The following UBXN8 variants were observed in gnomAD, a reference collection of about 807,000 sequenced individuals.
UBXN8 encodes UBX domain protein 8.
Under a neutral mutation model 32.1 loss-of-function variants are expected in UBXN8, and 27 were observed. That is an observed-to-expected ratio of 0.84 (90% CI 0.62 to 1.16). The LOEUF (loss-of-function observed/expected upper bound fraction) is 1.16. UBXN8 is among the 50% of genes most tolerant of loss of function. UBXN8 has a pLI of 0.00. For missense variants in UBXN8, 306 were observed against 311.4 expected, an observed-to-expected ratio of 0.98 and a Z score of 0.13; for synonymous variants, 109 against 111.8, an observed-to-expected ratio of 0.98 and a Z score of 0.16.
chr8:30,760,757 A>AT (rs1418263576), intron 5 of UBXN8, 131 bp from the exon 6 acceptor site: 38 of 627,090 alleles, frequency 6.1e-5, no homozygotes, highest in Non-Finnish European at 6.3e-5. Flanking sequence ...TAAACTCTTT[A>AT]TAGATGTATG....
In UBXN8 at chr8:30,766,920, T is replaced by C. The variant is rs909386852; in HGVS notation, c.*526T>C. 6.6e-6 allele frequency: 1 copy of C among 152,240 alleles called. No homozygotes were observed. Among genetic ancestry groups the C allele is most frequent in the Non-Finnish European group, 1.5e-5 (1 of 68,046 alleles). The allele number at this position is 152,240 out of a possible 1,614,324, so 9.4% of individuals were successfully genotyped here. On this transcript the variant is annotated 3_prime_UTR_variant, in exon 8 of 8. Coordinates refer to ENST00000265616, the MANE Select transcript of UBXN8 (RefSeq NM_005671.4). ...GTTTGCGATTTATATAATTTTGCCT[T>C]GTATTAAATGTTACAAAGTTCCAAA...
At chr8:30,762,352 A>G (rs1805855274) in intron 6 of UBXN8, among the ~76,000 whole-genome samples, 1 of 151,830 alleles carries the variant, frequency 6.6e-6, no homozygotes, top group South Asian at 2.1e-4. Flanking sequence ...GTGGGATTAT[A>G]GGTGTGAGTC....
At chr8:30,735,403 C>A (rs1563554276) in intron 1 of UBXN8, among the ~76,000 whole-genome samples, 1 of 150,074 alleles carries the variant, frequency 6.7e-6, no homozygotes. Context: ...CTACTAAATA[C>A]AAAAATTAGC....
upstream of UBXN8, among the ~76,000 whole-genome samples, chr8:30,743,344 C>G (rs964738375): frequency 2.0e-4 from 31 of 151,532 alleles, no homozygotes; most frequent in Admixed American, 1.5e-3. Context: ...TTAGTAGAGA[C>G]GGGGTTTCAC....
intron 4 of UBXN8, 121 bp downstream of exon 4, chr8:30,754,908 C>A: frequency 1.4e-5 from 17 of 1,176,366 alleles, no homozygotes; most frequent in Non-Finnish European, 1.9e-5. Flanking sequence ...TAATGATTAT[C>A]AGTTTTTGTT....
chr8:30,737,845 T>TA (rs1173158823), intron 1 of UBXN8, among the ~76,000 whole-genome samples: 1 of 152,170 alleles, frequency 6.6e-6, no homozygotes, highest in African/African-American at 2.4e-5. Context: ...TGGACCCTGT[T>TA]AAAACAACAA....
intron 2 of UBXN8, 24 bp from the exon 3 acceptor site, chr8:30,753,011 C>A: frequency 6.7e-7 from 1 of 1,489,478 alleles, no homozygotes; most frequent in East Asian, 2.5e-5. Flanking sequence ...AAGTAAAAAG[C>A]ACTTTTATGT....
rs1405968579 is a variant in UBXN8 at position 30,753,816 on chromosome 8, A to G, written c.282+711A>G. ...GAGACTGGGCCTCTCTCTGTTGCCC[A>G]GGCTGGGGTGGAGTGGTACAACCAT... On this transcript the variant is annotated intron_variant, in intron 3 of 7. Transcript: ENST00000265616. 2.5e-5 allele frequency among the ~76,000 whole-genome samples: 3 copies of G among 122,028 alleles called. No homozygotes were observed. In the East Asian group the frequency reaches 7.2e-4, roughly 29 times the overall value. 80.1% of individuals were successfully genotyped at this position (122,028 alleles called of 152,430 possible).
intron 5 of UBXN8, among the ~76,000 whole-genome samples, chr8:30,759,968 TAAATAAAATAAAATA>T (rs149333500): frequency 0.12 from 16,371 of 141,556 alleles, 1,003 homozygotes; most frequent in South Asian, 0.15. Context: ...GAAAAATAAA[TAAATAAAATAAAATA>T]AAATAAAATA....
intron 1 of UBXN8, among the ~76,000 whole-genome samples, chr8:30,747,768 A>C (rs116558169): frequency 0.015 from 2,084 of 139,236 alleles, 420 homozygotes; most frequent in African/African-American, 0.055. Context: ...TTAAAGTCAT[A>C]CTTCTTCTCT....
chr8:30,737,054 C>A (rs911381893), intron 1 of UBXN8, among the ~76,000 whole-genome samples: 1 of 152,066 alleles, frequency 6.6e-6, no homozygotes, highest in Non-Finnish European at 1.5e-5. Context: ...GATTAATGTT[C>A]TTTTTGTTTA....
chr8:30,766,326 TC>T lies in UBXN8; in HGVS notation c.746del (p.Ser249CysfsTer5), dbSNP rs1806005406. The T allele has an allele frequency of 6.2e-7, 1 of 1,613,660 alleles. No individual in the cohort carries two copies. Among genetic ancestry groups the T allele is most frequent in the African/African-American group, 1.3e-5 (1 of 74,922 alleles). ...GCCTCTGGCAGTGGAGGGAGGCCAG[TC>T]GCTGGAGGACATAGGAATAACTGTG... ...RRPLAVEGGQ[S>X]LEDIGITVDT... is the part of the protein sequence containing the mutation. On this transcript the variant is annotated frameshift_variant, in exon 8 of 8. Coordinates refer to ENST00000265616, the MANE Select transcript of UBXN8 (RefSeq NM_005671.4). LOFTEE classifies it high-confidence loss of function.
intron 1 of UBXN8, among the ~76,000 whole-genome samples, chr8:30,738,181 A>G (rs979804286): frequency 1.6e-4 from 25 of 152,230 alleles, no homozygotes; most frequent in African/African-American, 5.3e-4. Context: ...ATCATAAAAG[A>G]AAACTTAGAT....
chr8:30,746,727 G>T (rs1805371111), intron 1 of UBXN8, among the ~76,000 whole-genome samples: 1 of 138,238 alleles, frequency 7.2e-6, no homozygotes, highest in African/African-American at 2.8e-5. Flanking sequence ...GTTTCGGTAT[G>T]TTGTGCCAGG....
intron 2 of UBXN8, among the ~76,000 whole-genome samples, chr8:30,751,985 T>G (rs1056014007): frequency 2.7e-5 from 4 of 149,350 alleles, no homozygotes; most frequent in African/African-American, 7.4e-5. Context: ...CTCCACCTCC[T>G]GGGTTCAAGT....
rs1805516222 is a variant in UBXN8, at chr8:30,751,308, G to A, written c.89-88G>A. The A allele has an allele frequency of 5.2e-6, 6 of 1,150,794 alleles. No individual in the cohort carries two copies. The East Asian group carries it at 1.3e-4, about 25-fold the overall frequency. 71.3% of individuals were successfully genotyped at this position (1,150,794 alleles called of 1,614,324 possible). On this transcript the variant is annotated intron_variant, in intron 1 of 7. Coordinates refer to ENST00000265616, the MANE Select transcript of UBXN8 (RefSeq NM_005671.4). ...GCAGGAGGATCACGTGAGCTCAGGA[G>A]TTCGAGACCAGCCTAGTCAACATAG...
rs1477428089 is a variant in UBXN8 at position 30,747,023 on chromosome 8, C to T, written c.88+2746C>T. On this transcript the variant is annotated intron_variant, in intron 1 of 7. Transcript: ENST00000265616. ...TACGAAAATTAGCGGAGCATGGTGG[C>T]GCACGCCTGTAGTCCCAGCTTCTTG... 8.7e-5 allele frequency among the ~76,000 whole-genome samples: 12 copies of T among 138,128 alleles called. 1 individual carries two copies. The highest frequency in any genetic ancestry group is 1.7e-4 in the Non-Finnish European group (11 of 64,340). 90.6% of individuals were successfully genotyped at this position (138,128 alleles called of 152,430 possible). A position where few individuals can be genotyped will look rare whatever the true frequency, so the allele number is the denominator to read the frequency against.
rs1183542840 is a variant in UBXN8, at chr8:30,744,264, G to A, written c.75G>A (p.Gly25=). Residue 25 remains glycine (G), a synonymous_variant, in exon 1 of 8, where the codon GGG becomes GGA. Transcript: ENST00000265616. ...VPLVCLELRR[G]IPDIGIKDFL... ...TTGTGTGTCTGGAGCTCCGGCGTGG[G>A]ATCCCGGATATAGGTAAGTGTGACT... is the stretch of plus-strand genomic sequence containing the variant. The A allele has an allele frequency of 6.2e-7, 1 of 1,613,672 alleles. No individual in the cohort carries two copies.
intron 1 of UBXN8, among the ~76,000 whole-genome samples, chr8:30,738,357 A>T (rs943019038): frequency 2.6e-5 from 4 of 151,842 alleles, no homozygotes; most frequent in Admixed American, 6.6e-5. Flanking sequence ...CTGTCTTTTT[A>T]AAAAATAATA....
Sources: allele counts gnomAD v4.1 joint callset (sites outside exome capture counted in the v4.1 genomes callset), GRCh38; gene constraint gnomAD v4.1.1; transcripts MANE v1.5; gene names NCBI Gene and HGNC (gene_info 2026-07-23, HGNC 2026-07-21).